MYH11: variants seen among roughly 807,000 people sequenced by gnomAD.
MYH11 encodes myosin-11.
A neutral mutation model predicts 246.6 loss-of-function variants in MYH11; 80 were observed. The ratio of observed to expected loss-of-function variants is 0.32; its 90% CI spans 0.27 to 0.39. The LOEUF is 0.39. MYH11 is among the 10% of genes least tolerant of loss of function. The probability of loss-of-function intolerance (pLI) is 1.00; values close to 1 mark genes in which losing one functional copy is unlikely to be tolerated. For synonymous variants in MYH11, 1,071 were observed against 1,015.5 expected (o/e 1.05, Z -1.04); for missense variants, 2,158 against 2,546.8 (o/e 0.85, Z 3.29).
At chr16:15,830,268 A>G (rs1465648620) in intron 2 of MYH11, among the ~76,000 whole-genome samples, 1 of 152,228 alleles carries the variant, frequency 6.6e-6, no homozygotes, top group Non-Finnish European at 1.5e-5. Context: ...ATGAAGCTGC[A>G]GTGCAATATC....
At position 15,771,676 on chromosome 16, in the gene MYH11, A is replaced by C. The variant is rs2042105230; in HGVS notation, c.926T>G (p.Phe309Cys). The change falls in exon 9 of 41, where the codon TTC becomes TGC. Residue 309 changes from phenylalanine to cysteine, a missense_variant. Around this residue, in one of 11 missense-constraint regions of MYH11, gnomAD observed 75 missense variants for 70.0 expected, o/e 1.07. Transcript: ENST00000300036. ...GATGGGCACAAAGCCATTGGAGAGG[A>C]AGGTGTAGTTGTTGAAGCCCTCCAA... is the stretch of plus-strand genomic sequence containing the variant. ...LLLEGFNNYT[F>C]LSNGFVPIPA... 6.2e-7 allele frequency: 1 copy of C among 1,613,950 alleles called. No individual in the cohort carries two copies.
At chr16:15,772,147 A>G (rs1308239347) in intron 8 of MYH11, among the ~76,000 whole-genome samples, 1 of 130,700 alleles carries the variant, frequency 7.7e-6, no homozygotes, top group East Asian at 2.2e-4. Context: ...GCAGGAGTGC[A>G]GTGGCGCGAT....
chr16:15,784,113 C>T (rs1016961447), intron 5 of MYH11, among the ~76,000 whole-genome samples: 3 of 152,072 alleles, frequency 2.0e-5, no homozygotes, highest in Non-Finnish European at 2.9e-5. Flanking sequence ...TAGTGCATCG[C>T]GACCTCCAAG....
At chr16:15,761,237 A>T (rs1277549828) in intron 10 of MYH11, among the ~76,000 whole-genome samples, 1 of 151,930 alleles carries the variant, frequency 6.6e-6, no homozygotes, top group African/African-American at 2.4e-5. Flanking sequence ...CAGCCTCCCG[A>T]GTAGCTGGCA....
At chr16:15,731,455 T>C (rs933286802) in intron 27 of MYH11, among the ~76,000 whole-genome samples, 2 of 152,126 alleles carry the variant, frequency 1.3e-5, no homozygotes, top group Admixed American at 6.6e-5. Context: ...TGAAGATTAA[T>C]TGACATACTG....
intron 3 of MYH11, among the ~76,000 whole-genome samples, chr16:15,802,728 C>A (rs562818931): frequency 2.6e-5 from 4 of 152,016 alleles, no homozygotes; most frequent in African/African-American, 4.8e-5. Context: ...GGATTACAGG[C>A]GTGAGCCACT....
intron 20 of MYH11, chr16:15,742,286 C>T (rs893968374): frequency 1.4e-5 from 4 of 282,364 alleles, no homozygotes; most frequent in Non-Finnish European, 2.7e-5. Flanking sequence ...TATTTCCTTC[C>T]AAGGACAAAA....
intron 1 of MYH11, among the ~76,000 whole-genome samples, chr16:15,843,938 T>G (rs2044122177): frequency 6.6e-6 from 1 of 152,116 alleles, no homozygotes; most frequent in Non-Finnish European, 1.5e-5. Flanking sequence ...TGAAGAGCTC[T>G]TGTGGAATTT....
At chr16:15,798,801 C>T (rs1162033618) in intron 3 of MYH11, 114 bp from the exon 4 acceptor site, 1 of 1,152,050 alleles carries the variant, frequency 8.7e-7, no homozygotes, top group Admixed American at 2.0e-5. Context: ...ATGCTGGCCT[C>T]ATTGGAAGTG....
At chr16:15,761,951 A>C (rs2041877008) in intron 10 of MYH11, among the ~76,000 whole-genome samples, 1 of 152,154 alleles carries the variant, frequency 6.6e-6, no homozygotes, top group South Asian at 2.1e-4. Context: ...AGCCGAATTA[A>C]CTTGGCAGGA....
At position 15,716,722 on chromosome 16, in the gene MYH11, C is replaced by A. The variant is rs915731982; in HGVS notation, c.5504+418G>T. On this transcript the variant is annotated intron_variant, in intron 38 of 40. Coordinates refer to ENST00000300036, the MANE Select transcript of MYH11 (RefSeq NM_002474.3). The stretch of plus-strand genomic sequence containing the variant: ...ACAGACAGGGTTTCACCATGTTGGC[C>A]AGGCCGGTCTCAAACTCCTGACCTC... 3.3e-5 allele frequency among the ~76,000 whole-genome samples: 5 copies of A among 152,282 alleles called. No individual in the cohort carries two copies. The South Asian group carries it at 8.3e-4, about 25-fold the overall frequency.
intron 38 of MYH11, among the ~76,000 whole-genome samples, chr16:15,716,070 C>T (rs894492392): frequency 6.6e-6 from 1 of 152,048 alleles, no homozygotes; most frequent in Admixed American, 6.6e-5. Context: ...CACTGCACAC[C>T]AGCCTGGGAA....
chr16:15,783,246 T>G (rs892323968), intron 5 of MYH11: 1 of 152,310 alleles, frequency 6.6e-6, no homozygotes, highest in African/African-American at 2.4e-5. Flanking sequence ...CCCTAAAACA[T>G]GGCGGCTGCA....
In MYH11 at chr16:15,703,846, A is replaced by T. The variant is rs1465691872; in HGVS notation, c.*145T>A. The T allele has an allele frequency of 1.1e-5, 12 of 1,133,694 alleles. No homozygotes were observed. The highest frequency in any genetic ancestry group is 3.1e-5 in the African/African-American group (2 of 65,076). 70.2% of individuals were successfully genotyped at this position (1,133,694 alleles called of 1,614,324 possible). ...ATTCCTTGTGTGAGGGGTGTCTGTGATATTTGGAATTTGAGAATGGATTTA... is the reference window on the plus strand; with the variant it reads ...ATTCCTTGTGTGAGGGGTGTCTGTGTTATTTGGAATTTGAGAATGGATTTA... On this transcript the variant is annotated 3_prime_UTR_variant, in exon 41 of 41. Coordinates refer to ENST00000300036, the MANE Select transcript of MYH11 (RefSeq NM_002474.3).
intron 40 of MYH11, chr16:15,708,666 T>G (rs1446735870): frequency 6.7e-6 from 6 of 893,904 alleles, no homozygotes; most frequent in African/African-American, 6.6e-5. Flanking sequence ...CACAAAGATA[T>G]CCAAGCCTCC....
chr16:15,720,350 C>CCCT, intron 33 of MYH11, 38 bp from the exon 34 acceptor site: 9 of 1,600,260 alleles, frequency 5.6e-6, no homozygotes, highest in Non-Finnish European at 7.7e-6. Context: ...CCCCACTTGC[C>CCCT]CCTGGGAGGT....
chr16:15,731,929 C>G (rs1043419267), intron 27 of MYH11, among the ~76,000 whole-genome samples: 2 of 152,096 alleles, frequency 1.3e-5, no homozygotes, highest in African/African-American at 4.8e-5. Flanking sequence ...GCTGGGACCA[C>G]AGGAATGCAC....
chr16:15,726,786 C>G, intron 28 of MYH11, 62 bp downstream of exon 28: 1 of 1,592,520 alleles, frequency 6.3e-7, no homozygotes, highest in Non-Finnish European at 8.6e-7. Flanking sequence ...GGAAGAGGCT[C>G]CTCCCCACAG....
At chr16:15,705,405 G>C (rs74009407) in intron 40 of MYH11, among the ~76,000 whole-genome samples, 60 of 152,344 alleles carry the variant, frequency 3.9e-4, no homozygotes, top group African/African-American at 1.4e-3. Flanking sequence ...GGCTGGTCAC[G>C]TGAGGGGAGA....
Sources: allele counts gnomAD v4.1 joint callset (sites outside exome capture counted in the v4.1 genomes callset), GRCh38; gene constraint gnomAD v4.1.1; regional missense constraint gnomAD v4.1.1; transcripts MANE v1.5; gene names NCBI Gene and HGNC (gene_info 2026-07-23, HGNC 2026-07-21).